Variants in SUGCT observed in about 807,000 individuals in gnomAD.
SUGCT encodes succinyl-CoA:glutarate CoA-transferase.
A neutral mutation model predicts 55.0 loss-of-function variants in SUGCT; 41 were observed. That is an observed-to-expected ratio of 0.74 (90% confidence interval 0.58 to 0.97). The LOEUF is 0.97. Among genes scored for constraint, SUGCT ranks in the 50% least tolerant of loss-of-function variants. The pLI is 0.00. For synonymous variants in SUGCT, 187 were observed against 200.4 expected (o/e 0.93, Z 0.56); for missense variants, 568 against 547.8 (o/e 1.04, Z -0.37).
At chr7:40,421,203 G>A (rs1260654310) in intron 9 of SUGCT, among the ~76,000 whole-genome samples, 1 of 152,160 alleles carries the variant, frequency 6.6e-6, no homozygotes, top group Non-Finnish European at 1.5e-5. Context: ...ACCCTTCAGA[G>A]GTCTTGAGCT....
At chr7:40,285,786 G>A (rs1006080861) in intron 8 of SUGCT, among the ~76,000 whole-genome samples, 5 of 152,036 alleles carry the variant, frequency 3.3e-5, no homozygotes, top group South Asian at 2.1e-4. Flanking sequence ...TTGGTTTGTC[G>A]GCTAGAGTCA....
In SUGCT at chr7:40,840,941, C is replaced by T. The variant is rs909260336; in HGVS notation, c.1154-19375C>T. Among the ~76,000 whole-genome samples the T allele has an allele frequency of 4.6e-5, 7 of 152,230 alleles. 1 individual carries two copies. Among genetic ancestry groups the T allele is most frequent in the African/African-American group, 2.4e-5 (1 of 41,576 alleles). The stretch of plus-strand genomic sequence containing the variant: ...AACAACTATTTTTAGAGACTGCCAA[C>T]TACCTAATCCTTTTATAGTATATGA... On this transcript the variant is annotated intron_variant, in intron 13 of 13. Coordinates refer to ENST00000335693, the MANE Select transcript of SUGCT (RefSeq NM_001193313.2).
chr7:40,767,670 G>T (rs963735420), intron 13 of SUGCT, among the ~76,000 whole-genome samples: 1 of 152,178 alleles, frequency 6.6e-6, no homozygotes, highest in African/African-American at 2.4e-5. Context: ...AGATGAAAAG[G>T]TGCCCTGATA....
At chr7:40,598,013 A>G (rs1798103586) in intron 12 of SUGCT, among the ~76,000 whole-genome samples, 1 of 152,206 alleles carries the variant, frequency 6.6e-6, no homozygotes, top group Admixed American at 6.5e-5. Context: ...CTGAAAAGTC[A>G]TATTAGCATG....
chr7:40,609,726 G>A (rs976965052), intron 12 of SUGCT, among the ~76,000 whole-genome samples: 2 of 152,120 alleles, frequency 1.3e-5, no homozygotes, highest in Admixed American at 6.5e-5. Flanking sequence ...GAATTGGGCC[G>A]AATCCGATCC....
At position 40,860,545 on chromosome 7, in the gene SUGCT, G is replaced by A. The variant is rs1191517599; in HGVS notation, c.*66G>A. ...CACTGGCAAAGGCAACACTTTGCTT[G>A]GACCCTTCTCCCCAGTTCTGATACC... On this transcript the variant is annotated 3_prime_UTR_variant, in exon 14 of 14. Coordinates refer to ENST00000335693, the MANE Select transcript of SUGCT (RefSeq NM_001193313.2). 3.3e-6 allele frequency: 5 copies of A among 1,524,956 alleles called. No individual in the cohort carries two copies. Among genetic ancestry groups the A allele is most frequent in the Non-Finnish European group, 4.4e-6 (5 of 1,130,166 alleles). The allele number at this position is 1,524,956 out of a possible 1,614,324, so 94.5% of individuals were successfully genotyped here.
intron 9 of SUGCT, among the ~76,000 whole-genome samples, chr7:40,388,709 CCCGGGCAGAACATTT>C (rs1456292335): frequency 2.0e-5 from 3 of 152,078 alleles, no homozygotes; most frequent in Non-Finnish European, 4.4e-5. Context: ...AGCCACTGCG[CCCGGGCAGAACATTT>C]TAACATTTAA....
chr7:40,384,212 A>T (rs1039464550), intron 9 of SUGCT, among the ~76,000 whole-genome samples: 1 of 152,164 alleles, frequency 6.6e-6, no homozygotes. Context: ...TGGTAAGTGC[A>T]TTGGGTGGAG....
At chr7:40,711,792 T>G (rs1308365971) in intron 12 of SUGCT, among the ~76,000 whole-genome samples, 1 of 152,252 alleles carries the variant, frequency 6.6e-6, no homozygotes, top group African/African-American at 2.4e-5. Context: ...AATGTTTCTG[T>G]GTATCTTCAA....
At chr7:40,332,708 C>T (rs1054835620) in intron 9 of SUGCT, among the ~76,000 whole-genome samples, 2 of 152,030 alleles carry the variant, frequency 1.3e-5, no homozygotes, top group Admixed American at 6.6e-5. Context: ...CATAATGGTG[C>T]ATTGAGGTGT....
chr7:40,509,293 A>G (rs1792793204), intron 12 of SUGCT, among the ~76,000 whole-genome samples: 1 of 152,138 alleles, frequency 6.6e-6, no homozygotes, highest in African/African-American at 2.4e-5. Flanking sequence ...TCCTTTGGCC[A>G]AAATACTATG....
At chr7:40,858,461 A>G (rs1423828905) in intron 13 of SUGCT, among the ~76,000 whole-genome samples, 1 of 151,668 alleles carries the variant, frequency 6.6e-6, no homozygotes. Flanking sequence ...TATGATAGCT[A>G]TTACTACTAC....
intron 9 of SUGCT, among the ~76,000 whole-genome samples, chr7:40,339,474 A>G (rs4598149): frequency 0.56 from 85,461 of 151,978 alleles, 24,115 homozygotes; most frequent in South Asian, 0.65. Flanking sequence ...CCTCACTGCC[A>G]TCTTGCAGTT....
At chr7:40,422,871 C>G (rs1787387434) in intron 9 of SUGCT, among the ~76,000 whole-genome samples, 1 of 150,812 alleles carries the variant, frequency 6.6e-6, no homozygotes, top group Non-Finnish European at 1.5e-5. Flanking sequence ...CTAAGAATCT[C>G]TACTACTTCA....
intron 9 of SUGCT, among the ~76,000 whole-genome samples, chr7:40,319,011 C>T (rs1795586102): frequency 6.6e-6 from 1 of 152,058 alleles, no homozygotes; most frequent in Admixed American, 6.6e-5. Flanking sequence ...AGAATCTTGG[C>T]TTTTATTTTG....
At chr7:40,393,667 G>A (rs1785564527) in intron 9 of SUGCT, among the ~76,000 whole-genome samples, 1 of 152,156 alleles carries the variant, frequency 6.6e-6, no homozygotes, top group Admixed American at 6.5e-5. Context: ...CAATGCATAG[G>A]TCCCCAGTGA....
chr7:41,004,796 C>A, the SUGCT span, among the ~76,000 whole-genome samples: 1 of 65,240 alleles, frequency 1.5e-5, no homozygotes, highest in Non-Finnish European at 4.4e-5. Context: ...TAATACATTA[C>A]CCTTGTGGAA....
At chr7:40,324,248 A>ATATATATATATATATATATATATATAT (rs1562681083) in intron 9 of SUGCT, among the ~76,000 whole-genome samples, 3 of 111,054 alleles carry the variant, frequency 2.7e-5, no homozygotes, top group African/African-American at 1.2e-4. Flanking sequence ...TAAATAAATA[A>ATATATATATATATATATATATATATAT]ATAAATATAT....
chr7:40,572,623 G>A (rs765297887), intron 12 of SUGCT, among the ~76,000 whole-genome samples: 11 of 152,178 alleles, frequency 7.2e-5, no homozygotes, highest in Non-Finnish European at 1.2e-4. Context: ...AGAAAGAAGC[G>A]TTTGGGGTAA....
Sources: allele counts gnomAD v4.1 joint callset (sites outside exome capture counted in the v4.1 genomes callset), GRCh38; gene constraint gnomAD v4.1.1; transcripts MANE v1.5; gene names NCBI Gene and HGNC (gene_info 2026-07-23, HGNC 2026-07-21).